The following NRG3 variants were observed in gnomAD, a reference collection of about 807,000 sequenced individuals.
NRG3 encodes neuregulin 3.
Under a neutral mutation model 66.9 loss-of-function variants are expected in NRG3, and 31 were observed. That is an observed-to-expected ratio of 0.46 (90% CI 0.35 to 0.63). The LOEUF is 0.63. NRG3 is among the 20% of genes least tolerant of loss of function. The pLI is 0.00. For synonymous variants in NRG3, 393 were observed against 359.4 expected, an observed-to-expected ratio of 1.09 and a Z score of -1.06; for missense variants, 910 against 878.9, an observed-to-expected ratio of 1.04 and a Z score of -0.45.
At chr10:82,036,965 C>T (rs530801718) in intron 1 of NRG3, among the ~76,000 whole-genome samples, 21 of 152,222 alleles carry the variant, frequency 1.4e-4, no homozygotes, top group South Asian at 4.1e-4. Flanking sequence ...ACTACTACCA[C>T]GCTGTTTTAT....
At chr10:82,052,257 C>T (rs2063634710) in intron 1 of NRG3, among the ~76,000 whole-genome samples, 1 of 152,100 alleles carries the variant, frequency 6.6e-6, no homozygotes. Context: ...CCTAAAAATA[C>T]CTGAACTTCA....
intron 2 of NRG3, among the ~76,000 whole-genome samples, chr10:82,693,968 A>C (rs2055158903): frequency 6.6e-6 from 1 of 151,910 alleles, no homozygotes; most frequent in African/African-American, 2.4e-5. Context: ...TGATTTGTCC[A>C]TTTTACAGAG....
At chr10:82,323,171 G>A (rs571172525) in intron 1 of NRG3, among the ~76,000 whole-genome samples, 4 of 152,256 alleles carry the variant, frequency 2.6e-5, no homozygotes, top group African/African-American at 9.6e-5. Context: ...TTAACAGTTG[G>A]ATTCCAGATG....
Position 82,866,136 on chromosome 10 carries a change from C to T in NRG3, c.1054+699C>T, listed in dbSNP as rs17100969. Among the ~76,000 whole-genome samples the T allele has an allele frequency of 1.2e-3, 181 of 152,114 alleles. 2 individuals are homozygous for T. The East Asian group carries it at 0.031, about 26-fold the overall frequency. On this transcript the variant is annotated intron_variant, in intron 4 of 8. Coordinates refer to ENST00000372141, the MANE Select transcript of NRG3 (RefSeq NM_001010848.4). Reference sequence around the variant, plus strand: ...ACATTTCATAAAGTTCAATATGCATCGTAGTACATGGATGGAAAGACACTC... The same window carrying T: ...ACATTTCATAAAGTTCAATATGCATTGTAGTACATGGATGGAAAGACACTC...
At chr10:81,966,450 C>A (rs1026813022) in intron 1 of NRG3, among the ~76,000 whole-genome samples, 1 of 151,724 alleles carries the variant, frequency 6.6e-6, no homozygotes, top group African/African-American at 2.4e-5. Context: ...GTTGATTTTT[C>A]TTATATTTTC....
chr10:82,356,123 T>A (rs1002292616), intron 1 of NRG3, among the ~76,000 whole-genome samples: 1 of 152,196 alleles, frequency 6.6e-6, no homozygotes. Context: ...TGCTGATAGA[T>A]GATAACATGA....
At chr10:82,642,943 C>G (rs1380074956) in intron 2 of NRG3, among the ~76,000 whole-genome samples, 1 of 151,606 alleles carries the variant, frequency 6.6e-6, no homozygotes, top group Non-Finnish European at 1.5e-5. Flanking sequence ...AGAAATAGAT[C>G]CTGAAAAATG....
chr10:81,918,952 A>G (rs1262567103), intron 1 of NRG3, among the ~76,000 whole-genome samples: 1 of 142,566 alleles, frequency 7.0e-6, no homozygotes, highest in Non-Finnish European at 1.5e-5. Flanking sequence ...TCAAATCATT[A>G]ACTACTATTG....
rs111733111 is a variant in NRG3, at chr10:82,963,055, T to C, written c.1284+3980T>C. ...GTTCAAAGGTTAGTGGAGAGAAAAATGTACAAGCATATAATATCTTTATTA... is the reference window on the plus strand; with the variant it reads ...GTTCAAAGGTTAGTGGAGAGAAAAACGTACAAGCATATAATATCTTTATTA... On this transcript the variant is annotated intron_variant, in intron 6 of 8. Coordinates refer to ENST00000372141, the MANE Select transcript of NRG3 (RefSeq NM_001010848.4). Among the ~76,000 whole-genome samples, 1,052 of 152,080 alleles carry C rather than the reference T, an allele frequency of 6.9e-3. 11 individuals carry two copies. Among genetic ancestry groups the C allele is most frequent in the African/African-American group, 0.024 (996 of 41,494 alleles).
At chr10:82,852,340 G>A (rs889798108) in intron 3 of NRG3, among the ~76,000 whole-genome samples, 4 of 152,096 alleles carry the variant, frequency 2.6e-5, no homozygotes, top group African/African-American at 7.2e-5. Context: ...AATACCTAAT[G>A]CACACGGGGC....
intron 1 of NRG3, among the ~76,000 whole-genome samples, chr10:81,898,339 A>G (rs749787521): frequency 3.9e-5 from 6 of 152,190 alleles, no homozygotes; most frequent in Non-Finnish European, 8.8e-5. Context: ...AAAGACGACA[A>G]TGGTTGAAGA....
chr10:82,722,483 A>G (rs931122624), intron 2 of NRG3, among the ~76,000 whole-genome samples: 13 of 152,200 alleles, frequency 8.5e-5, no homozygotes, highest in Admixed American at 5.9e-4. Context: ...CTTATATTGC[A>G]TCATCATTAA....
At chr10:82,087,162 G>A (rs1273911454) in intron 1 of NRG3, among the ~76,000 whole-genome samples, 3 of 152,208 alleles carry the variant, frequency 2.0e-5, no homozygotes, top group Admixed American at 1.3e-4. Flanking sequence ...GCAGAAGGAG[G>A]ACAGGCTGGT....
At chr10:82,194,550 A>G (rs1214296919) in intron 1 of NRG3, among the ~76,000 whole-genome samples, 1 of 152,140 alleles carries the variant, frequency 6.6e-6, no homozygotes, top group Middle Eastern at 3.4e-3. Context: ...GAAGGTCAGT[A>G]TGTGACAGTA....
intron 1 of NRG3, among the ~76,000 whole-genome samples, chr10:82,057,868 G>A (rs932437141): frequency 6.6e-6 from 1 of 151,970 alleles, no homozygotes; most frequent in Non-Finnish European, 1.5e-5. Context: ...TTGCATGGCC[G>A]ACTAAAACTC....
At chr10:82,727,893 C>G (rs371130999) in intron 2 of NRG3, among the ~76,000 whole-genome samples, 3 of 152,308 alleles carry the variant, frequency 2.0e-5, no homozygotes, top group Non-Finnish European at 2.9e-5. Context: ...CCTCTCACAT[C>G]ATTGTGACCC....
intron 2 of NRG3, among the ~76,000 whole-genome samples, chr10:82,649,574 G>A (rs950535303): frequency 4.5e-4 from 65 of 143,984 alleles, no homozygotes; most frequent in African/African-American, 1.4e-3. Context: ...AGGTTTAAGC[G>A]TCCCTAGTAA....
intron 3 of NRG3, among the ~76,000 whole-genome samples, chr10:82,847,762 C>A (rs563995340): frequency 1.3e-5 from 2 of 152,226 alleles, no homozygotes; most frequent in Admixed American, 1.3e-4. Flanking sequence ...GTGCGTAGTC[C>A]AGGGTTGTAT....
chr10:82,624,643 A>C (rs1221620710), intron 2 of NRG3, among the ~76,000 whole-genome samples: 5 of 151,054 alleles, frequency 3.3e-5, no homozygotes, highest in Non-Finnish European at 7.4e-5. Context: ...TATTCCAGGA[A>C]ATTATAAGTC....
Sources: allele counts gnomAD v4.1 joint callset (sites outside exome capture counted in the v4.1 genomes callset), GRCh38; gene constraint gnomAD v4.1.1; transcripts MANE v1.5; gene names NCBI Gene and HGNC (gene_info 2026-07-23, HGNC 2026-07-21).